CTNNA2: variants seen among roughly 807,000 people sequenced by gnomAD.
CTNNA2 encodes catenin alpha-2.
Under a neutral mutation model 101.0 loss-of-function variants are expected in CTNNA2, and 42 were observed. The observed-to-expected ratio is 0.42, with a 90% CI of 0.32 to 0.54. CTNNA2 has a LOEUF of 0.54. CTNNA2 is among the 20% of genes least tolerant of loss of function. The probability of loss-of-function intolerance (pLI) is 0.14; values close to 1 mark genes in which losing one functional copy is unlikely to be tolerated. For synonymous variants in CTNNA2, 450 were observed against 456.4 expected, an observed-to-expected ratio of 0.99 and a Z score of 0.18; for missense variants, 871 against 1,223.1, an observed-to-expected ratio of 0.71 and a Z score of 4.29.
In CTNNA2 at chr2:79,771,443, A is replaced by G. The variant is rs572547590; in HGVS notation, c.298+26861A>G. 3.9e-5 allele frequency among the ~76,000 whole-genome samples: 6 copies of G among 152,282 alleles called. No homozygotes were observed. In the East Asian group the frequency reaches 9.7e-4, roughly 25 times the overall value. On this transcript the variant is annotated intron_variant, in intron 3 of 18. Transcript: ENST00000402739. ...TGCACCTTATTTCTATTATTATTACATTGTAATATACAATGAAATAATTAT... is the reference window on the plus strand; with the variant it reads ...TGCACCTTATTTCTATTATTATTACGTTGTAATATACAATGAAATAATTAT...
chr2:80,065,811 G>A (rs1297939110), intron 7 of CTNNA2, among the ~76,000 whole-genome samples: 1 of 152,158 alleles, frequency 6.6e-6, no homozygotes, highest in East Asian at 1.9e-4. Context: ...CTAGAAAAAA[G>A]TATTGCTAGC....
rs531780387 is a variant in CTNNA2 at position 79,247,381 on chromosome 2, C to T, written c.-406+49305C>T. 5.5e-4 allele frequency among the ~76,000 whole-genome samples: 83 copies of T among 152,232 alleles called. 1 individual carries two copies. The highest frequency in any genetic ancestry group is 1.9e-3 in the African/African-American group (80 of 41,532). On this transcript the variant is annotated intron_variant, in intron 2 of 21. Transcript: ENST00000466387. ...AAATATTTTGAAGAGCTTGAAAGTA[C>T]CACATTTAAGTTGCTGTCGAGGCAG...
chr2:79,496,538 A>G (rs1671257466), intron 4 of CTNNA2, among the ~76,000 whole-genome samples: 1 of 152,068 alleles, frequency 6.6e-6, no homozygotes, highest in Admixed American at 6.6e-5. Flanking sequence ...CTATTTTTGA[A>G]TGAGCCAATA....
intron 7 of CTNNA2, among the ~76,000 whole-genome samples, chr2:79,944,789 G>A (rs1688385983): frequency 1.3e-5 from 2 of 152,202 alleles, no homozygotes; most frequent in South Asian, 4.1e-4. Context: ...AGTAGAGAAG[G>A]AGAAAAAGGG....
At chr2:80,360,191 T>C (rs1376404566) in intron 7 of CTNNA2, among the ~76,000 whole-genome samples, 2 of 152,170 alleles carry the variant, frequency 1.3e-5, no homozygotes, top group African/African-American at 4.8e-5. Flanking sequence ...ACTTAATTTT[T>C]TCTGGTGAAC....
rs77949496 is a variant in CTNNA2, at chr2:79,580,796, A to G, written c.-6+67589A>G. On this transcript the variant is annotated intron_variant, in intron 1 of 18. Coordinates refer to ENST00000402739, the MANE Select transcript of CTNNA2 (RefSeq NM_001282597.3). ...CCTTTGTAATCTGAGCTCAGTAATC[A>G]TTTTCCTAGAGTAGTATTTCCTGAT... Among the ~76,000 whole-genome samples, 1,102 of 152,240 alleles carry G rather than the reference A, an allele frequency of 7.2e-3. 61 individuals are homozygous for G. The East Asian group carries it at 0.12, about 17-fold the overall frequency.
intron 3 of CTNNA2, chr2:79,777,171 A>G (rs1674028039): frequency 6.6e-6 from 1 of 152,160 alleles, no homozygotes; most frequent in South Asian, 2.1e-4. Context: ...GGTTCATGGG[A>G]ATCTAAAAAT....
chr2:80,406,136 T>A (rs1177417086), intron 8 of CTNNA2, among the ~76,000 whole-genome samples: 3 of 151,924 alleles, frequency 2.0e-5, no homozygotes, highest in African/African-American at 4.8e-5. Context: ...GGCGGGTGGA[T>A]CACAAGGTCA....
At chr2:80,635,971 C>CTTTTT (rs60757492) in intron 18 of CTNNA2, among the ~76,000 whole-genome samples, 29 of 115,638 alleles carry the variant, frequency 2.5e-4, no homozygotes, top group African/African-American at 7.5e-4. Flanking sequence ...ATGCCCATTG[C>CTTTTT]TTTTTTTTTT....
intron 3 of CTNNA2, among the ~76,000 whole-genome samples, chr2:79,848,846 A>G (rs1423620062): frequency 1.3e-5 from 2 of 152,164 alleles, no homozygotes; most frequent in African/African-American, 2.4e-5. Flanking sequence ...CCATGTGGCT[A>G]TAGTGGGATT....
chr2:80,515,907 C>G (rs1000877207), intron 9 of CTNNA2, among the ~76,000 whole-genome samples: 2 of 152,108 alleles, frequency 1.3e-5, no homozygotes, highest in African/African-American at 4.8e-5. Flanking sequence ...AAAACTTGCC[C>G]AAATCCAGAT....
chr2:80,233,263 G>A (rs537738345), intron 7 of CTNNA2, among the ~76,000 whole-genome samples: 1 of 152,220 alleles, frequency 6.6e-6, no homozygotes, highest in East Asian at 1.9e-4. Flanking sequence ...GTCTGCTGAG[G>A]TGCACAGCAG....
At chr2:80,561,931 C>G (rs1353783670) in intron 12 of CTNNA2, among the ~76,000 whole-genome samples, 1 of 151,282 alleles carries the variant, frequency 6.6e-6, no homozygotes, top group Non-Finnish European at 1.5e-5. Context: ...CTACCTCGGC[C>G]TCTCAAAGTG....
At chr2:79,817,211 G>A (rs1026845692) in intron 3 of CTNNA2, among the ~76,000 whole-genome samples, 2 of 150,772 alleles carry the variant, frequency 1.3e-5, no homozygotes, top group African/African-American at 4.9e-5. Flanking sequence ...AACAGTCCCT[G>A]GTGTGTGATG....
chr2:79,506,188 G>A (rs1432196027), intron 5 of CTNNA2, among the ~76,000 whole-genome samples: 3 of 152,056 alleles, frequency 2.0e-5, no homozygotes, highest in Non-Finnish European at 4.4e-5. Flanking sequence ...TGTAAATAAG[G>A]ACATTTCTAT....
chr2:79,933,246 C>T (rs566612535), intron 7 of CTNNA2, among the ~76,000 whole-genome samples: 64 of 152,110 alleles, frequency 4.2e-4, no homozygotes, highest in Non-Finnish European at 6.6e-4. Context: ...AAAAAAGGGG[C>T]GGGCAGAGGA....
In CTNNA2 at chr2:80,043,105, C is replaced by T. The variant is rs376044584; in HGVS notation, c.1056+133308C>T. Among the ~76,000 whole-genome samples the T allele has an allele frequency of 1.4e-3, 90 of 65,490 alleles. 1 individual carries two copies. The highest frequency in any genetic ancestry group is 3.6e-3 in the South Asian group (8 of 2,236). The allele number at this position is 65,490 out of a possible 152,430, so 43.0% of individuals were successfully genotyped here. On this transcript the variant is annotated intron_variant, in intron 7 of 18. Transcript: ENST00000402739. ...TTTCTTTCTTTCTTTCTCTCTCTCTCTCTCTCTTTCTTTCTCCTTCCTTCC... is the reference window on the plus strand; with the variant it reads ...TTTCTTTCTTTCTTTCTCTCTCTCTTTCTCTCTTTCTTTCTCCTTCCTTCC...
intron 2 of CTNNA2, among the ~76,000 whole-genome samples, chr2:79,201,903 T>G (rs1368961): frequency 0.6 from 91,127 of 151,996 alleles, 29,428 homozygotes; most frequent in African/African-American, 0.85. Flanking sequence ...AGGTGATCAG[T>G]GGTACAGTTT....
At chr2:80,419,243 C>T (rs986441615) in intron 8 of CTNNA2, among the ~76,000 whole-genome samples, 1 of 152,102 alleles carries the variant, frequency 6.6e-6, no homozygotes, top group African/African-American at 2.4e-5. Flanking sequence ...ATGTAACTTT[C>T]AAGTTGACAT....
Sources: allele counts gnomAD v4.1 joint callset (sites outside exome capture counted in the v4.1 genomes callset), GRCh38; gene constraint gnomAD v4.1.1; transcripts MANE v1.5; gene names NCBI Gene and HGNC (gene_info 2026-07-23, HGNC 2026-07-21).